GNL2: variants seen among roughly 807,000 people sequenced by gnomAD.
The protein encoded by GNL2 is nucleolar GTP-binding protein 2.
GNL2 carries 51 observed loss-of-function variants against 92.3 expected under a neutral mutation model. The ratio of observed to expected loss-of-function variants is 0.55; its 90% CI spans 0.44 to 0.70. The LOEUF (loss-of-function observed/expected upper bound fraction) is 0.70, where lower values mean the gene tolerates loss of function less well. Among genes scored for constraint, GNL2 ranks in the 30% least tolerant of loss-of-function variants. The pLI, the probability that GNL2 is intolerant of heterozygous loss-of-function variation, is 0.00. For missense variants in GNL2, 844 were observed against 895.6 expected (o/e 0.94, Z 0.74); for synonymous variants, 283 against 300.6 (o/e 0.94, Z 0.61).
Position 37,579,170 on chromosome 1 carries a change from C to G in GNL2, c.910-2614G>C, listed in dbSNP as rs539496758. On this transcript the variant is annotated intron_variant, in intron 8 of 15. Coordinates refer to ENST00000373062, the MANE Select transcript of GNL2 (RefSeq NM_013285.3). The stretch of plus-strand genomic sequence containing the variant: ...AGATGTAAAAGGAGGCAGAGCAAAT[C>G]AGAATTCAACAAGAGCTCTCAGAAA... 3.9e-5 allele frequency among the ~76,000 whole-genome samples: 6 copies of G among 152,206 alleles called. No homozygotes were observed. In the South Asian group the frequency reaches 1.2e-3, roughly 32 times the overall value.
rs1643863912 is a variant in GNL2 at position 37,587,434 on chromosome 1, T to C, written c.446A>G (p.Gln149Arg). 1 of 1,613,426 alleles carries C rather than the reference T, an allele frequency of 6.2e-7. No individual in the cohort carries two copies. The highest frequency in any genetic ancestry group is 1.7e-5 in the Admixed American group (1 of 60,008). ...TGCAAATAAGTTTGGTCGTTTCCTC[T>C]GTGACTTAGGGCCAAATGTAGTTTC... ...SFETTFGPKS[Q>R]RKRPNLFASD... Residue 149 changes from glutamine (Q) to arginine (R), a missense_variant, in exon 5 of 16, where the codon CAG becomes CGG. By Grantham distance (43) the Gln-to-Arg change is conservative. Coordinates refer to ENST00000373062, the MANE Select transcript of GNL2 (RefSeq NM_013285.3).
At chr1:37,574,936 G>A (rs1643654821) in intron 10 of GNL2, 113 bp from the exon 11 acceptor site, 1 of 742,070 alleles carries the variant, frequency 1.3e-6, no homozygotes. Context: ...CAAAGCTCGT[G>A]GAGATTGGCA....
intron 3 of GNL2, among the ~76,000 whole-genome samples, chr1:37,592,342 G>C (rs139169022): frequency 1.3e-5 from 2 of 152,050 alleles, no homozygotes; most frequent in Admixed American, 1.3e-4. Context: ...GAGGAACTTC[G>C]GGCTAATGCA....
chr1:37,593,976 T>C lies in GNL2; in HGVS notation c.65-130A>G, dbSNP rs984681268. 9.7e-6 allele frequency: 6 copies of C among 619,780 alleles called. No homozygotes were observed. The Admixed American group carries it at 1.2e-4, about 12-fold the overall frequency. 38.4% of individuals were successfully genotyped at this position (619,780 alleles called of 1,614,324 possible). The stretch of plus-strand genomic sequence containing the variant: ...AGCCACCAACCACAAAAATCTCTAC[T>C]TTCTCCATATGTTGCTCCAATAATT... On this transcript the variant is annotated intron_variant, in intron 1 of 15. Coordinates refer to ENST00000373062, the MANE Select transcript of GNL2 (RefSeq NM_013285.3).
chr1:37,582,952 G>A lies in GNL2; in HGVS notation c.637-16C>T. ...AATCTATCACCTGAAAATTCAGAAA[G>A]GCAAAAATGGTTTGCTACAGTACAA... On this transcript the variant is annotated splice_polypyrimidine_tract_variant and intron_variant, in intron 6 of 15. Coordinates refer to ENST00000373062, the MANE Select transcript of GNL2 (RefSeq NM_013285.3). 6.3e-7 allele frequency: 1 copy of A among 1,592,640 alleles called. No homozygotes were observed. The highest frequency in any genetic ancestry group is 8.6e-7 in the Non-Finnish European group (1 of 1,167,870).
At chr1:37,587,276 A>AC in intron 5 of GNL2, 35 bp downstream of exon 5, 1 of 1,506,638 alleles carries the variant, frequency 6.6e-7, no homozygotes, top group Non-Finnish European at 9.0e-7. Flanking sequence ...CAAAAAAAAA[A>AC]AAACAAAAAC....
At chr1:37,572,205 TTA>T (rs1218150668) in intron 12 of GNL2, among the ~76,000 whole-genome samples, 2 of 152,022 alleles carry the variant, frequency 1.3e-5, no homozygotes, top group South Asian at 2.1e-4. Context: ...CTTCCTGACA[TTA>T]TATGTTTATC....
chr1:37,587,372 A>C lies in GNL2; in HGVS notation c.508T>G (p.Ser170Ala), dbSNP rs775783042. Residue 170 changes from serine to alanine, a missense_variant, in exon 5 of 16, where the codon TCC (serine) becomes GCC (alanine). Transcript: ENST00000373062. ...TTGCCCTGGTCATAGCTCTCAGTGG[A>C]CATTTCAGCATTTTCGATAAGAGAC... ...MQSLIENAEM[S>A]TESYDQGKDR... is the part of the protein sequence containing the mutation. The C allele has an allele frequency of 2.5e-6, 4 of 1,613,746 alleles. No individual in the cohort carries two copies. The highest frequency in any genetic ancestry group is 3.4e-6 in the Non-Finnish European group (4 of 1,179,774).
At chr1:37,586,585 G>C (rs1479795137) in intron 5 of GNL2, among the ~76,000 whole-genome samples, 2 of 152,156 alleles carry the variant, frequency 1.3e-5, no homozygotes, top group East Asian at 3.8e-4. Context: ...AAACCTTACA[G>C]GCCATCCATT....
At chr1:37,589,896 C>T (rs1434329842) in intron 4 of GNL2, among the ~76,000 whole-genome samples, 2 of 152,134 alleles carry the variant, frequency 1.3e-5, no homozygotes, top group Non-Finnish European at 1.5e-5. Context: ...TACGCAACAC[C>T]AAAGTTCTAC....
intron 12 of GNL2, among the ~76,000 whole-genome samples, chr1:37,573,143 G>T (rs1643620309): frequency 6.6e-6 from 1 of 152,220 alleles, no homozygotes; most frequent in South Asian, 2.1e-4. Flanking sequence ...CATGAAGAGG[G>T]AGAGAAATTT....
chr1:37,581,620 T>C (rs1226049501), intron 8 of GNL2: 1 of 420,528 alleles, frequency 2.4e-6, no homozygotes, highest in Non-Finnish European at 4.8e-6. Context: ...CAGAATCTCT[T>C]ATAATCCTGA....
rs1302890088 is a variant in GNL2, at chr1:37,587,439, C to T, written c.441G>A (p.Lys147=). 2 of 1,613,284 alleles carry T rather than the reference C, an allele frequency of 1.2e-6. No individual in the cohort carries two copies. Among genetic ancestry groups the T allele is most frequent in the African/African-American group, 2.7e-5 (2 of 74,888 alleles). Residue 147 remains lysine (K), a synonymous_variant, in exon 5 of 16, where the codon AAG becomes AAA. Coordinates refer to ENST00000373062, the MANE Select transcript of GNL2 (RefSeq NM_013285.3). ...TESFETTFGP[K]SQRKRPNLFA... Reference sequence around the variant, plus strand: ...ATAAGTTTGGTCGTTTCCTCTGTGACTTAGGGCCAAATGTAGTTTCAAAAC... The same window carrying T: ...ATAAGTTTGGTCGTTTCCTCTGTGATTTAGGGCCAAATGTAGTTTCAAAAC...
chr1:37,582,912 C>G lies in GNL2; in HGVS notation c.661G>C (p.Val221Leu). 1 of 1,612,656 alleles carries G rather than the reference C, an allele frequency of 6.2e-7. No homozygotes were observed. The highest frequency in any genetic ancestry group is 8.5e-7 in the Non-Finnish European group (1 of 1,179,102). ...GGATCTCTAGCATCAAGAACTTGAA[C>G]TACAACATCTGATGAATCTATCACC... ...YKVIDSSDVV[V>L]QVLDARDPMG... Residue 221 changes from valine to leucine, a missense_variant, in exon 7 of 16, where the codon GTT (valine) becomes CTT (leucine). By Grantham distance (32) the Val-to-Leu change is conservative. Transcript: ENST00000373062.
In GNL2 at chr1:37,581,506, C is replaced by T. The variant is rs889635956; in HGVS notation, c.909+717G>A. 4.2e-5 allele frequency: 19 copies of T among 455,956 alleles called. No homozygotes were observed. The Admixed American group carries it at 4.2e-4, about 10-fold the overall frequency. 28.2% of individuals were successfully genotyped at this position (455,956 alleles called of 1,614,324 possible). A position where few individuals can be genotyped will look rare whatever the true frequency, so the allele number is the denominator to read the frequency against. On this transcript the variant is annotated intron_variant, in intron 8 of 15. Coordinates refer to ENST00000373062, the MANE Select transcript of GNL2 (RefSeq NM_013285.3). ...CATGGGCAGAGGATGCACAGCAGGC[C>T]TGGAAAGCCCAGCAGAGCGTGGAAC...
At chr1:37,571,387 C>T (rs1432038092) in intron 12 of GNL2, among the ~76,000 whole-genome samples, 1 of 152,174 alleles carries the variant, frequency 6.6e-6, no homozygotes, top group African/African-American at 2.4e-5. Context: ...TAGGCAAGAT[C>T]TCTGACATTA....
At chr1:37,572,189 G>T (rs544997617) in intron 12 of GNL2, among the ~76,000 whole-genome samples, 2 of 151,970 alleles carry the variant, frequency 1.3e-5, no homozygotes, top group South Asian at 2.1e-4. Context: ...CTCACAGCAC[G>T]CAAGACTTCC....
In GNL2 at chr1:37,575,516, T is replaced by G. The variant is rs966217654; in HGVS notation, c.1143+79A>C. ...GACCCCAAACTGCCTTCTTAATAAGTAAAAAGGAAAGGTATCCAGGGTTCC... is the reference window on the plus strand; with the variant it reads ...GACCCCAAACTGCCTTCTTAATAAGGAAAAAGGAAAGGTATCCAGGGTTCC... On this transcript the variant is annotated intron_variant, in intron 10 of 15. Transcript: ENST00000373062. This position sits in a 1 kb window ranked among gnomAD's most constrained non-coding sequence, Gnocchi z 4.1. The G allele has an allele frequency of 4.3e-5, 34 of 788,746 alleles. No homozygotes were observed. In the African/African-American group the frequency reaches 5.2e-4, roughly 12 times the overall value. The allele number at this position is 788,746 out of a possible 1,614,324, so 48.9% of individuals were successfully genotyped here.
chr1:37,580,051 G>T (rs945096808), intron 8 of GNL2, among the ~76,000 whole-genome samples: 1 of 152,046 alleles, frequency 6.6e-6, no homozygotes, highest in Admixed American at 6.6e-5. Flanking sequence ...CTCATCAAAC[G>T]CCAAGCTCAC....
Sources: gnomAD v4.1 joint callset for allele counts (sites outside exome capture counted in the v4.1 genomes callset) on GRCh38, gnomAD v4.1.1 for gene constraint, Gnocchi (gnomAD v3.1) non-coding constraint, MANE v1.5 for transcripts, NCBI Gene and HGNC (gene_info 2026-07-23, HGNC 2026-07-21) for gene names.